The following IL6ST variants were observed in gnomAD, a reference collection of about 807,000 sequenced individuals.
IL6ST encodes the protein interleukin 6 cytokine family signal transducer.
IL6ST carries 24 observed loss-of-function variants against 91.3 expected under a neutral mutation model. That is an observed-to-expected ratio of 0.26 (90% confidence interval 0.19 to 0.37). IL6ST has a LOEUF of 0.37. Among genes scored for constraint, IL6ST ranks in the 10% least tolerant of loss-of-function variants. IL6ST has a pLI of 1.00. For synonymous variants in IL6ST, 351 were observed against 373.6 expected (o/e 0.94, Z 0.70); for missense variants, 914 against 1,078.5 (o/e 0.85, Z 2.14).
At chr5:55,989,156 G>GA (rs34291578) in intron 1 of IL6ST, among the ~76,000 whole-genome samples, 16,419 of 113,490 alleles carry the variant, frequency 0.14, 1,182 homozygotes, top group Middle Eastern at 0.19. Flanking sequence ...AAGTCTCGCA[G>GA]AAAAAAAAAA....
intron 1 of IL6ST, among the ~76,000 whole-genome samples, chr5:55,992,801 T>TA (rs1265686846): frequency 1.3e-5 from 2 of 152,214 alleles, no homozygotes; most frequent in Non-Finnish European, 2.9e-5. Context: ...CTCCAATCCT[T>TA]AAACGATCAT....
intron 7 of IL6ST, among the ~76,000 whole-genome samples, chr5:55,961,032 A>G (rs945077292): frequency 2.0e-5 from 3 of 152,192 alleles, no homozygotes; most frequent in African/African-American, 7.2e-5. Flanking sequence ...TCCGCCTCCC[A>G]GGTTCAAGTG....
chr5:55,944,557 T>G (rs573635857), intron 15 of IL6ST: 69 of 479,234 alleles, frequency 1.4e-4, no homozygotes, highest in South Asian at 1.2e-3. Flanking sequence ...CCCAAATAAA[T>G]AAAGAAATAA....
chr5:55,970,793 G>T (rs1023138610), intron 3 of IL6ST, among the ~76,000 whole-genome samples: 4 of 152,146 alleles, frequency 2.6e-5, no homozygotes, highest in African/African-American at 9.7e-5. Context: ...TGTAATCCCA[G>T]CTGCTTGGGA....
chr5:55,967,459 A>G (rs1752702257), intron 5 of IL6ST, among the ~76,000 whole-genome samples: 1 of 151,996 alleles, frequency 6.6e-6, no homozygotes, highest in Admixed American at 6.6e-5. Flanking sequence ...TTCACAAAGT[A>G]TGGAGCTTAT....
chr5:55,959,828 T>C (rs1752200906), intron 8 of IL6ST, among the ~76,000 whole-genome samples: 1 of 152,198 alleles, frequency 6.6e-6, no homozygotes, highest in Non-Finnish European at 1.5e-5. Flanking sequence ...TAAAATGTTC[T>C]AGACTTATCA....
At chr5:55,954,371 A>G (rs1367811270) in intron 11 of IL6ST, among the ~76,000 whole-genome samples, 1 of 152,180 alleles carries the variant, frequency 6.6e-6, no homozygotes, top group African/African-American at 2.4e-5. Context: ...TACTACTTCC[A>G]ATTGAAAGAC....
intron 2 of IL6ST, among the ~76,000 whole-genome samples, chr5:55,980,057 T>C (rs1487838899): frequency 1.3e-5 from 2 of 152,168 alleles, no homozygotes; most frequent in Non-Finnish European, 2.9e-5. Flanking sequence ...CAAAACAATA[T>C]ACAAGAAAAC....
intron 1 of IL6ST, among the ~76,000 whole-genome samples, chr5:55,985,227 C>T (rs1753889845): frequency 6.6e-6 from 1 of 151,980 alleles, no homozygotes; most frequent in African/African-American, 2.4e-5. Flanking sequence ...AATCTAAAAT[C>T]ATAAAGGGCC....
At chr5:55,963,649 T>C (rs1228684560) in intron 6 of IL6ST, 143 bp from the exon 7 acceptor site, 2 of 614,330 alleles carry the variant, frequency 3.3e-6, no homozygotes, top group East Asian at 6.1e-5. Context: ...AATTATGCTA[T>C]GCTATATACC....
chr5:55,935,742 G>A lies in IL6ST; in HGVS notation c.*5340C>T, dbSNP rs1001463639. ...ATATATTTCGTATTTTGAAAGTGTA[G>A]AAGTTTGTATTAATTTAAAAAGAAA... On this transcript the variant is annotated 3_prime_UTR_variant, in exon 17 of 17. Transcript: ENST00000381298. The A allele has an allele frequency of 4.6e-6, 1 of 217,598 alleles. No homozygotes were observed. The highest frequency in any genetic ancestry group is 2.2e-5 in the African/African-American group (1 of 44,448). The allele number at this position is 217,598 out of a possible 1,614,324, so 13.5% of individuals were successfully genotyped here.
chr5:55,939,040 C>CAACA lies in IL6ST; in HGVS notation c.*2038_*2041dup, dbSNP rs953795449. On this transcript the variant is annotated 3_prime_UTR_variant, in exon 17 of 17. Transcript: ENST00000381298. ...CCTGAAATGTACAAACTTCACACTACAACATTCTTCATGACACTATTTGTT... is the reference window on the plus strand; with the variant it reads ...CCTGAAATGTACAAACTTCACACTACAACAAACATTCTTCATGACACTATTTGTT... 1.5e-4 allele frequency: 31 copies of CAACA among 204,670 alleles called. No individual in the cohort carries two copies. Among genetic ancestry groups the CAACA allele is most frequent in the Non-Finnish European group, 1.0e-5 (1 of 99,990 alleles). The allele number at this position is 204,670 out of a possible 1,614,324, so 12.7% of individuals were successfully genotyped here.
chr5:55,944,868 C>T (rs548998291), intron 15 of IL6ST: 35 of 573,874 alleles, frequency 6.1e-5, no homozygotes, highest in Non-Finnish European at 1.0e-4. Flanking sequence ...ACTTCATCGC[C>T]CTCTGATCGC....
chr5:55,962,184 T>C (rs1580820894), intron 7 of IL6ST, among the ~76,000 whole-genome samples: 1 of 152,236 alleles, frequency 6.6e-6, no homozygotes, highest in Non-Finnish European at 1.5e-5. Context: ...ACTTCAGGTA[T>C]GTATATTCTC....
At chr5:55,965,277 C>T (rs1479966624) in intron 5 of IL6ST, among the ~76,000 whole-genome samples, 3 of 151,852 alleles carry the variant, frequency 2.0e-5, no homozygotes, top group African/African-American at 7.3e-5. Flanking sequence ...CTGTATTAAC[C>T]GTAGGATAAA....
chr5:55,955,493 G>A (rs1055983116), intron 10 of IL6ST, among the ~76,000 whole-genome samples: 3 of 152,238 alleles, frequency 2.0e-5, no homozygotes, highest in African/African-American at 2.4e-5. Flanking sequence ...AAATGCTTTC[G>A]GTTTGTAATT....
At chr5:55,943,754 AAGT>A (rs1751062035) in intron 15 of IL6ST, among the ~76,000 whole-genome samples, 1 of 152,100 alleles carries the variant, frequency 6.6e-6, no homozygotes, top group Admixed American at 6.6e-5. Context: ...TCCCCCCTGC[AAGT>A]AGTAGTAAAG....
chr5:55,955,135 C>T, intron 10 of IL6ST, 143 bp from the exon 11 acceptor site: 1 of 619,800 alleles, frequency 1.6e-6, no homozygotes, highest in Non-Finnish European at 2.7e-6. Context: ...TTATAACTTA[C>T]AGGTAAAGTA....
At chr5:55,979,646 A>T (rs1481510973) in intron 2 of IL6ST, among the ~76,000 whole-genome samples, 2 of 152,256 alleles carry the variant, frequency 1.3e-5, no homozygotes, top group Non-Finnish European at 2.9e-5. Flanking sequence ...TGAACACTTT[A>T]AAAATGGTCA....
Sources: gnomAD v4.1 joint callset for allele counts (sites outside exome capture counted in the v4.1 genomes callset) on GRCh38, gnomAD v4.1.1 for gene constraint, MANE v1.5 for transcripts, NCBI Gene and HGNC (gene_info 2026-07-23, HGNC 2026-07-21) for gene names.